ARL15: variants seen among roughly 807,000 people sequenced by gnomAD.
ARL15 encodes the protein ARF like GTPase 15, also known as ADP-ribosylation factor-like protein 15.
In ARL15, 19 loss-of-function variants were observed where a neutral mutation model predicts 25.2. The ratio of observed to expected loss-of-function variants is 0.75; its 90% CI spans 0.53 to 1.10. ARL15 has a LOEUF of 1.10. Among genes scored for constraint, ARL15 ranks in the 50% least tolerant of loss-of-function variants. The probability of loss-of-function intolerance (pLI) is 0.00; values close to 1 mark genes in which losing one functional copy is unlikely to be tolerated. For missense variants in ARL15, 220 were observed against 246.0 expected (o/e 0.89, Z 0.71); for synonymous variants, 94 against 86.8 (o/e 1.08, Z -0.46).
At chr5:53,918,197 A>G (rs781428080) in intron 4 of ARL15, among the ~76,000 whole-genome samples, 5 of 152,046 alleles carry the variant, frequency 3.3e-5, no homozygotes, top group African/African-American at 7.2e-5. Context: ...TTATTTATTT[A>G]TTTATTTAGA....
intron 4 of ARL15, among the ~76,000 whole-genome samples, chr5:53,929,752 G>GTTCTTTTTATATTAAACACTA (rs1561153978): frequency 2.0e-5 from 3 of 152,248 alleles, no homozygotes; most frequent in African/African-American, 7.2e-5. Flanking sequence ...ATCAGAGGCG[G>GTTCTTTTTATATTAAACACTA]ATGCACCTGC....
chr5:54,135,043 A>G (rs1753560119), intron 3 of ARL15, among the ~76,000 whole-genome samples: 1 of 152,196 alleles, frequency 6.6e-6, no homozygotes, highest in South Asian at 2.1e-4. Context: ...GGAATTGCTA[A>G]TATGTTGGAT....
chr5:54,244,037 T>TG (rs1757024925), intron 1 of ARL15, among the ~76,000 whole-genome samples: 1 of 152,312 alleles, frequency 6.6e-6, no homozygotes, highest in East Asian at 1.9e-4. Flanking sequence ...TTTAGACAAG[T>TG]CATCTTCCCT....
At chr5:54,246,157 A>G (rs1579947630) in intron 1 of ARL15, among the ~76,000 whole-genome samples, 1 of 151,680 alleles carries the variant, frequency 6.6e-6, no homozygotes, top group East Asian at 1.9e-4. Flanking sequence ...TTTTTGAAAC[A>G]AAACTGCCTT....
intron 1 of ARL15, among the ~76,000 whole-genome samples, chr5:54,174,161 TA>T (rs1333593516): frequency 2.0e-5 from 3 of 152,158 alleles, no homozygotes; most frequent in Non-Finnish European, 4.4e-5. Context: ...GAACATGGCA[TA>T]GAATCTACCC....
intron 1 of ARL15, among the ~76,000 whole-genome samples, chr5:54,298,138 C>T (rs77223991): frequency 0.014 from 2,127 of 152,166 alleles, 18 homozygotes; most frequent in Non-Finnish European, 0.024. Context: ...AGATCTCAGT[C>T]TATAATTTCA....
At chr5:54,289,025 C>T (rs1441200120) in intron 1 of ARL15, among the ~76,000 whole-genome samples, 1 of 152,126 alleles carries the variant, frequency 6.6e-6, no homozygotes. Context: ...ATTTTCCATA[C>T]GTCATTAACA....
At chr5:54,173,755 C>T (rs1461201814) in intron 1 of ARL15, among the ~76,000 whole-genome samples, 1 of 152,068 alleles carries the variant, frequency 6.6e-6, no homozygotes, top group Non-Finnish European at 1.5e-5. Context: ...CTTAAGCCAC[C>T]CCAGTGACTT....
At chr5:53,981,969 G>A (rs757410365) in intron 4 of ARL15, among the ~76,000 whole-genome samples, 18 of 151,922 alleles carry the variant, frequency 1.2e-4, no homozygotes, top group South Asian at 4.2e-4. Flanking sequence ...TACACTTTTC[G>A]TATAGGCAAG....
intron 4 of ARL15, among the ~76,000 whole-genome samples, chr5:54,064,972 A>G (rs1751174717): frequency 6.6e-6 from 1 of 152,198 alleles, no homozygotes; most frequent in Admixed American, 6.5e-5. Flanking sequence ...TGCTCTGAGT[A>G]TACCCAGGGT....
intron 1 of ARL15, among the ~76,000 whole-genome samples, chr5:54,278,139 T>C (rs879551057): frequency 2.0e-4 from 31 of 152,240 alleles, no homozygotes; most frequent in Admixed American, 6.5e-4. Context: ...ATTGTGCTTC[T>C]GGCTCCATGA....
At chr5:54,104,478 C>T (rs1752533243) in intron 4 of ARL15, among the ~76,000 whole-genome samples, 1 of 152,058 alleles carries the variant, frequency 6.6e-6, no homozygotes, top group Admixed American at 6.6e-5. Flanking sequence ...TTGCTTAATG[C>T]TGAAGTCTTC....
intron 1 of ARL15, among the ~76,000 whole-genome samples, chr5:54,230,827 T>C (rs1756652247): frequency 6.6e-6 from 1 of 152,254 alleles, no homozygotes; most frequent in Admixed American, 6.5e-5. Context: ...AGTTACAATG[T>C]GCTTTTGCCA....
intron 1 of ARL15, among the ~76,000 whole-genome samples, chr5:54,206,212 A>G (rs1232584485): frequency 6.6e-6 from 1 of 152,180 alleles, no homozygotes; most frequent in African/African-American, 2.4e-5. Context: ...CTCAAATACC[A>G]TAATTAGGAC....
intron 4 of ARL15, among the ~76,000 whole-genome samples, chr5:54,050,691 G>T (rs959583986): frequency 1.1e-4 from 17 of 152,244 alleles, no homozygotes; most frequent in Admixed American, 1.0e-3. Flanking sequence ...TTCATGATCA[G>T]AAAAAGTAAT....
At chr5:53,949,284 G>C (rs1286485097) in intron 4 of ARL15, among the ~76,000 whole-genome samples, 2 of 152,104 alleles carry the variant, frequency 1.3e-5, no homozygotes, top group Non-Finnish European at 2.9e-5. Flanking sequence ...TCAATAGCTA[G>C]AGTATTCACA....
chr5:53,966,709 C>T (rs952933455), intron 4 of ARL15, among the ~76,000 whole-genome samples: 6 of 152,224 alleles, frequency 3.9e-5, no homozygotes, highest in Non-Finnish European at 7.4e-5. Context: ...TCCGTGTTGA[C>T]GACTGTTACT....
intron 4 of ARL15, among the ~76,000 whole-genome samples, chr5:53,966,320 C>T (rs1333272895): frequency 6.6e-6 from 1 of 152,170 alleles, no homozygotes. Context: ...CCAGGGAGGA[C>T]ACTGAGACTC....
At chr5:54,015,614 A>C (rs1749403227) in intron 4 of ARL15, among the ~76,000 whole-genome samples, 1 of 152,198 alleles carries the variant, frequency 6.6e-6, no homozygotes, top group Non-Finnish European at 1.5e-5. Context: ...TTGACATGGC[A>C]AACATTTTAG....
Sources: allele counts gnomAD v4.1 joint callset (sites outside exome capture counted in the v4.1 genomes callset), GRCh38; gene constraint gnomAD v4.1.1; transcripts MANE v1.5; gene names NCBI Gene and HGNC (gene_info 2026-07-23, HGNC 2026-07-21).